COL6A6: variants seen among roughly 807,000 people sequenced by gnomAD.
COL6A6 encodes collagen alpha-6(VI) chain.
COL6A6 carries 183 observed loss-of-function variants against 208.6 expected under a neutral mutation model. The ratio of observed to expected loss-of-function variants is 0.88; its 90% confidence interval spans 0.78 to 0.99. The LOEUF (loss-of-function observed/expected upper bound fraction) is 0.99. COL6A6 is among the 50% of genes least tolerant of loss of function. The probability of loss-of-function intolerance (pLI) is 0.00; values close to 1 mark genes in which losing one functional copy is unlikely to be tolerated. For missense variants in COL6A6, 2,816 were observed against 2,815.2 expected, an observed-to-expected ratio of 1.00 and a Z score of -0.01; for synonymous variants, 973 against 1,011.8, an observed-to-expected ratio of 0.96 and a Z score of 0.73.
chr3:130,546,842 GTTC>G, intron 1 of COL6A6, among the ~76,000 whole-genome samples: 2 of 152,258 alleles, frequency 1.3e-5, no homozygotes, highest in South Asian at 4.1e-4. Flanking sequence ...AGACACAAAA[GTTC>G]TTCAAGTCCC....
intron 1 of COL6A6, among the ~76,000 whole-genome samples, chr3:130,552,698 TA>T (rs928748399): frequency 3.3e-5 from 5 of 152,230 alleles, no homozygotes; most frequent in Non-Finnish European, 7.3e-5. Context: ...GTTGTTAACT[TA>T]ACCCTGGTTA....
rs113746744 is a variant in COL6A6 at position 130,616,978 on chromosome 3, C to G, written c.4816-4843C>G. ...AGAACATTGCCTGCAGTCACAAGCT[C>G]TATGTGTTTGTTATTGCTACTATAT... On this transcript the variant is annotated intron_variant, in intron 23 of 36. Transcript: ENST00000358511. Among the ~76,000 whole-genome samples, 655 of 152,200 alleles carry G rather than the reference C, an allele frequency of 4.3e-3. 2 individuals are homozygous for G. Among genetic ancestry groups the G allele is most frequent in the South Asian group, 0.014 (69 of 4,814 alleles).
chr3:130,612,152 A>G (rs1397388418), intron 23 of COL6A6, among the ~76,000 whole-genome samples: 3 of 152,068 alleles, frequency 2.0e-5, no homozygotes, highest in Non-Finnish European at 4.4e-5. Flanking sequence ...CATGGTATAT[A>G]TTTACTACAT....
chr3:130,673,217 C>CA (rs1211498711), intron 36 of COL6A6, among the ~76,000 whole-genome samples: 783 of 57,518 alleles, frequency 0.014, 6 homozygotes, highest in Middle Eastern at 0.036. Flanking sequence ...ACAAAAAAAA[C>CA]AAAAAAAAAA....
At position 130,636,682 on chromosome 3, in the gene COL6A6, G is replaced by A. The variant is rs1199028245; in HGVS notation, c.5091+921G>A. ...CGATCTTTATGTATAGATATTACTT[G>A]TGTAGGTTTTAGGGGTACAAAATAA... On this transcript the variant is annotated intron_variant, in intron 28 of 36. Coordinates refer to ENST00000358511, the MANE Select transcript of COL6A6 (RefSeq NM_001102608.3). Among the ~76,000 whole-genome samples the A allele has an allele frequency of 2.0e-5, 3 of 150,612 alleles. No individual in the cohort carries two copies. The East Asian group carries it at 5.9e-4, about 29-fold the overall frequency.
Position 130,526,077 on chromosome 3 carries a change from A to G in COL6A6, c.-32+8680A>G, listed in dbSNP as rs867646475. 5.3e-5 allele frequency among the ~76,000 whole-genome samples: 8 copies of G among 152,304 alleles called. 1 individual carries two copies. The Middle Eastern group carries it at 0.01, about 194-fold the overall frequency. ...GCTCCAAGGAGGATATAAACAACAG[A>G]GAAGTCAATAAATGACTTATAGGTA... On this transcript the variant is annotated intron_variant, in intron 1 of 36. Coordinates refer to ENST00000358511, the MANE Select transcript of COL6A6 (RefSeq NM_001102608.3).
intron 36 of COL6A6, among the ~76,000 whole-genome samples, chr3:130,666,201 A>G (rs192481497): frequency 7.2e-4 from 110 of 152,366 alleles, no homozygotes; most frequent in Admixed American, 5.7e-3. Context: ...GTGAATCTTA[A>G]TTCGATCCAA....
intron 23 of COL6A6, among the ~76,000 whole-genome samples, chr3:130,612,597 G>A (rs895527598): frequency 1.3e-5 from 2 of 152,098 alleles, no homozygotes; most frequent in Non-Finnish European, 2.9e-5. Context: ...TCTCTCCCTG[G>A]GTTTCATGGG....
intron 1 of COL6A6, among the ~76,000 whole-genome samples, chr3:130,531,583 T>C (rs2062097265): frequency 6.6e-6 from 1 of 152,186 alleles, no homozygotes; most frequent in Non-Finnish European, 1.5e-5. Flanking sequence ...CAAAGGTGGC[T>C]CTAATAACCT....
At chr3:130,554,830 A>C (rs573752954) in intron 1 of COL6A6, among the ~76,000 whole-genome samples, 1 of 152,114 alleles carries the variant, frequency 6.6e-6, no homozygotes, top group Non-Finnish European at 1.5e-5. Context: ...GGAACATGTC[A>C]GTGAGCTAGT....
chr3:130,552,620 T>C (rs546418300), intron 1 of COL6A6, among the ~76,000 whole-genome samples: 2 of 152,332 alleles, frequency 1.3e-5, no homozygotes, highest in Admixed American at 6.5e-5. Flanking sequence ...TGCCTTTTAA[T>C]TGGGGGCATT....
Position 130,565,025 on chromosome 3 carries a change from G to T in COL6A6, c.693G>T (p.Val231=), listed in dbSNP as rs1395788767. The T allele has an allele frequency of 6.2e-7, 1 of 1,613,832 alleles. No individual in the cohort carries two copies. The highest frequency in any genetic ancestry group is 1.3e-5 in the African/African-American group (1 of 74,914). Residue 231 remains valine, a synonymous_variant, in exon 4 of 37, where the codon GTG becomes GTT. Transcript: ENST00000358511. ...AAGGCCCTTCTATGGCCGATGTTGT[G>T]TTCCTATTGGATATGTCAATCAATG... ...ACQGPSMADV[V]FLLDMSINGS...
At chr3:130,579,929 A>G (rs1387369586) in intron 8 of COL6A6, among the ~76,000 whole-genome samples, 1 of 152,228 alleles carries the variant, frequency 6.6e-6, no homozygotes, top group Non-Finnish European at 1.5e-5. Flanking sequence ...CTTCTATCAC[A>G]TTATTATGGA....
At position 130,649,223 on chromosome 3, in the gene COL6A6, G is replaced by A. The variant is rs1301588642; in HGVS notation, c.5394G>A (p.Ala1798=). 3.1e-6 allele frequency: 5 copies of A among 1,591,366 alleles called. No homozygotes were observed. The highest frequency in any genetic ancestry group is 1.3e-5 in the African/African-American group (1 of 74,366). The change falls in exon 33 of 37, where the codon GCG becomes GCA. Residue 1798 remains alanine, a synonymous_variant. Transcript: ENST00000358511. Reference sequence around the variant, plus strand: ...GGGAGAACAGCTGCCCCGTGGGAGCGCACATCGCCATCCTCTCCTATAACT... The same window carrying A: ...GGGAGAACAGCTGCCCCGTGGGAGCACACATCGCCATCCTCTCCTATAACT... ...KVRENSCPVG[A]HIAILSYNSH...
chr3:130,670,651 G>A (rs1423526892), intron 36 of COL6A6, among the ~76,000 whole-genome samples: 1 of 152,162 alleles, frequency 6.6e-6, no homozygotes, highest in Admixed American at 6.5e-5. Context: ...TTGGGACAGG[G>A]AAGGCAGCGG....
chr3:130,591,215 T>C, intron 13 of COL6A6, 121 bp downstream of exon 13: 1 of 777,828 alleles, frequency 1.3e-6, no homozygotes, highest in South Asian at 1.6e-5. Context: ...GTACAGAATC[T>C]CAGATCTTCT....
intron 21 of COL6A6, among the ~76,000 whole-genome samples, chr3:130,608,561 G>A (rs891116316): frequency 6.6e-6 from 1 of 151,928 alleles, no homozygotes; most frequent in Non-Finnish European, 1.5e-5. Flanking sequence ...TGAAGAAAAT[G>A]TGAACTAAAT....
rs147256489 is a variant in COL6A6, at chr3:130,594,808, A to G, written c.4533+465A>G. Among the ~76,000 whole-genome samples the G allele has an allele frequency of 3.8e-3, 578 of 152,294 alleles. 4 individuals are homozygous for G. Among genetic ancestry groups the G allele is most frequent in the African/African-American group, 0.013 (550 of 41,562 alleles). Reference sequence around the variant, plus strand: ...TCCACATGGCTGAGGTGCCCTCACAATCATGAAGAAAGAGCAAAAGGACGT... The same window carrying G: ...TCCACATGGCTGAGGTGCCCTCACAGTCATGAAGAAAGAGCAAAAGGACGT... On this transcript the variant is annotated intron_variant, in intron 18 of 36. Transcript: ENST00000358511.
intron 24 of COL6A6, among the ~76,000 whole-genome samples, chr3:130,624,136 A>C (rs1479308320): frequency 6.6e-6 from 1 of 152,124 alleles, no homozygotes; most frequent in East Asian, 1.9e-4. Flanking sequence ...GAAGAAGAAG[A>C]CATTAACTAC....
Sources: allele counts gnomAD v4.1 joint callset (sites outside exome capture counted in the v4.1 genomes callset), GRCh38; gene constraint gnomAD v4.1.1; transcripts MANE v1.5; gene names NCBI Gene and HGNC (gene_info 2026-07-23, HGNC 2026-07-21).